TAOK3: variants seen among roughly 807,000 people sequenced by gnomAD.
The protein encoded by TAOK3 is serine/threonine-protein kinase TAO3.
In TAOK3, 40 loss-of-function variants were observed where a neutral mutation model predicts 120.4. That is an observed-to-expected ratio of 0.33 (90% CI 0.26 to 0.43). TAOK3 has a LOEUF of 0.43. Ranked by LOEUF, TAOK3 falls within the 20% of genes least tolerant of loss-of-function variation. The pLI, the probability that TAOK3 is intolerant of heterozygous loss-of-function variation, is 1.00. For synonymous variants in TAOK3, 355 were observed against 387.5 expected, an observed-to-expected ratio of 0.92 and a Z score of 0.99; for missense variants, 821 against 1,112.1, an observed-to-expected ratio of 0.74 and a Z score of 3.72.
At chr12:118,366,971 TC>T (rs2045757042) in intron 1 of TAOK3, among the ~76,000 whole-genome samples, 1 of 152,078 alleles carries the variant, frequency 6.6e-6, no homozygotes, top group East Asian at 1.9e-4. Context: ...GTGCCTGTAA[TC>T]CCAGCTATGA....
chr12:118,324,805 C>A (rs1323548546), intron 1 of TAOK3, among the ~76,000 whole-genome samples: 1 of 130,058 alleles, frequency 7.7e-6, no homozygotes, highest in African/African-American at 3.0e-5. Context: ...AGTGCAGTGG[C>A]GCGATCTCGG....
chr12:118,181,750 A>AG, intron 14 of TAOK3, 143 bp from the exon 15 acceptor site: 1 of 686,488 alleles, frequency 1.5e-6, no homozygotes. Flanking sequence ...GCTCACCCGT[A>AG]GGGGGCACTG....
chr12:118,259,518 C>T (rs1301299552), intron 2 of TAOK3, among the ~76,000 whole-genome samples: 1 of 152,040 alleles, frequency 6.6e-6, no homozygotes, highest in Non-Finnish European at 1.5e-5. Context: ...CCAGCCCAGG[C>T]AGCAGAGTAA....
intron 1 of TAOK3, among the ~76,000 whole-genome samples, chr12:118,323,617 GAAC>G (rs559090441): frequency 5.9e-5 from 9 of 152,122 alleles, no homozygotes; most frequent in Non-Finnish European, 1.3e-4. Context: ...GAGGTGCAGA[GAAC>G]AACAGTTTAG....
chr12:118,249,773 A>T (rs1300014973), intron 3 of TAOK3, among the ~76,000 whole-genome samples: 1 of 152,158 alleles, frequency 6.6e-6, no homozygotes, highest in Non-Finnish European at 1.5e-5. Context: ...TCAAGGTTAC[A>T]GTGAGCTATG....
chr12:118,300,142 C>T (rs184607574), intron 1 of TAOK3, among the ~76,000 whole-genome samples: 11 of 152,240 alleles, frequency 7.2e-5, no homozygotes, highest in African/African-American at 2.2e-4. Context: ...TTTGCTGATA[C>T]GGAAATTGTA....
intron 2 of TAOK3, among the ~76,000 whole-genome samples, chr12:118,261,013 A>G (rs573821810): frequency 6.6e-6 from 1 of 152,326 alleles, no homozygotes; most frequent in Admixed American, 6.5e-5. Flanking sequence ...GAAAGCTACA[A>G]TGTCTGAGAT....
intron 1 of TAOK3, among the ~76,000 whole-genome samples, chr12:118,313,692 C>T (rs1180352139): frequency 6.6e-6 from 1 of 152,112 alleles, no homozygotes; most frequent in South Asian, 2.1e-4. Flanking sequence ...GAATAGTAAG[C>T]TTTTACATTA....
chr12:118,291,343 C>G (rs1325363114), intron 1 of TAOK3, among the ~76,000 whole-genome samples: 1 of 147,252 alleles, frequency 6.8e-6, no homozygotes, highest in African/African-American at 2.5e-5. Flanking sequence ...GTCGTTTTAG[C>G]AGAGACAGGG....
Position 118,266,743 on chromosome 12 carries a change from T to G in TAOK3, c.-177A>C. On this transcript the variant is annotated 5_prime_UTR_variant, in exon 2 of 21. Transcript: ENST00000392533. ...TTTCTCTTTTATAACTTCAGTCCTTTGTATTTATGATGCAACCTATAGAAA... is the reference window on the plus strand; with the variant it reads ...TTTCTCTTTTATAACTTCAGTCCTTGGTATTTATGATGCAACCTATAGAAA... 2.5e-6 allele frequency: 1 copy of G among 397,752 alleles called. No homozygotes were observed. Among genetic ancestry groups the G allele is most frequent in the Non-Finnish European group, 4.4e-6 (1 of 225,566 alleles). The allele number at this position is 397,752 out of a possible 1,614,324, so 24.6% of individuals were successfully genotyped here. A position where few individuals can be genotyped will look rare whatever the true frequency, so the allele number is the denominator to read the frequency against.
At chr12:118,245,562 C>A (rs1224948914) in intron 3 of TAOK3, among the ~76,000 whole-genome samples, 1 of 152,130 alleles carries the variant, frequency 6.6e-6, no homozygotes, top group African/African-American at 2.4e-5. Context: ...ACGTGATCTG[C>A]CCGCCTCAGC....
chr12:118,370,465 C>G (rs2045864632), intron 1 of TAOK3, among the ~76,000 whole-genome samples: 1 of 152,166 alleles, frequency 6.6e-6, no homozygotes. Flanking sequence ...ACATTCTAAA[C>G]CTGAAACAAA....
At chr12:118,362,152 C>G (rs1357616026) in intron 1 of TAOK3, among the ~76,000 whole-genome samples, 1 of 151,970 alleles carries the variant, frequency 6.6e-6, no homozygotes, top group African/African-American at 2.4e-5. Flanking sequence ...AGGCACTGTT[C>G]TATGAGTTGG....
At chr12:118,165,506 T>C (rs540814594) in intron 17 of TAOK3, among the ~76,000 whole-genome samples, 14 of 152,366 alleles carry the variant, frequency 9.2e-5, no homozygotes, top group African/African-American at 3.4e-4. Context: ...ACAGAATACC[T>C]ACATCCGAAT....
At chr12:118,297,206 G>A (rs1431449954) in intron 1 of TAOK3, 1 of 152,134 alleles carries the variant, frequency 6.6e-6, no homozygotes, top group Non-Finnish European at 1.5e-5. Flanking sequence ...AATAAGAATA[G>A]AATGCAAGAA....
chr12:118,263,118 ACCATGCAATACTGG>A (rs2041303393), intron 2 of TAOK3, among the ~76,000 whole-genome samples: 1 of 152,220 alleles, frequency 6.6e-6, no homozygotes, highest in African/African-American at 2.4e-5. Context: ...AGTTATCAAG[ACCATGCAATACTGG>A]CACAGAGATA....
intron 17 of TAOK3, among the ~76,000 whole-genome samples, chr12:118,169,779 G>A (rs2035879943): frequency 6.6e-6 from 1 of 151,198 alleles, no homozygotes; most frequent in Non-Finnish European, 1.5e-5. Context: ...GGAGTGCAGT[G>A]GCGCAATCTC....
intron 1 of TAOK3, among the ~76,000 whole-genome samples, chr12:118,280,068 T>TG (rs1170179382): frequency 6.7e-6 from 1 of 150,012 alleles, no homozygotes; most frequent in Non-Finnish European, 1.5e-5. Context: ...CCCCACCTTT[T>TG]TTTTTTTTTT....
At chr12:118,318,054 A>G (rs943686140) in intron 1 of TAOK3, among the ~76,000 whole-genome samples, 16 of 152,294 alleles carry the variant, frequency 1.1e-4, no homozygotes, top group African/African-American at 3.8e-4. Flanking sequence ...GGATAACTGG[A>G]TATCCATAGG....
Sources: gnomAD v4.1 joint callset for allele counts (sites outside exome capture counted in the v4.1 genomes callset) on GRCh38, gnomAD v4.1.1 for gene constraint, MANE v1.5 for transcripts, NCBI Gene and HGNC (gene_info 2026-07-23, HGNC 2026-07-21) for gene names.